Variants in STAT3 observed in about 807,000 individuals in gnomAD.
The protein encoded by STAT3 is DNA-binding protein APRF.
In STAT3, 7 loss-of-function variants were observed where a neutral mutation model predicts 114.3. That is an observed-to-expected ratio of 0.06 (90% CI 0.03 to 0.11). STAT3 has a LOEUF of 0.11. STAT3 is among the 10% of genes least tolerant of loss of function. The probability of loss-of-function intolerance (pLI) is 1.00; values close to 1 mark genes in which losing one functional copy is unlikely to be tolerated. For missense variants in STAT3, 364 were observed against 960.9 expected, an observed-to-expected ratio of 0.38 and a Z score of 8.21; for synonymous variants, 331 against 354.5, an observed-to-expected ratio of 0.93 and a Z score of 0.74.
At chr17:42,375,721 C>T (rs1435591866) in intron 1 of STAT3, among the ~76,000 whole-genome samples, 2 of 151,260 alleles carry the variant, frequency 1.3e-5, no homozygotes, top group Non-Finnish European at 2.9e-5. Flanking sequence ...CCCAGCTACT[C>T]GGGAGGCTTA....
At position 42,345,736 on chromosome 17, in the gene STAT3, A is replaced by G. The variant is rs2082668336; in HGVS notation, c.274-79T>C. 1.0e-5 allele frequency: 13 copies of G among 1,257,052 alleles called. No individual in the cohort carries two copies. In the East Asian group the frequency reaches 3.3e-4, roughly 32 times the overall value. The allele number at this position is 1,257,052 out of a possible 1,614,324, so 77.9% of individuals were successfully genotyped here. Reference sequence around the variant, plus strand: ...GACTGAACTGTGGCACCTTAAAACTAATGTATTCATCAAGGAAAGCATTTA... The same window carrying G: ...GACTGAACTGTGGCACCTTAAAACTGATGTATTCATCAAGGAAAGCATTTA... On this transcript the variant is annotated intron_variant, in intron 3 of 23. Coordinates refer to ENST00000264657, the MANE Select transcript of STAT3 (RefSeq NM_139276.3).
intron 8 of STAT3, among the ~76,000 whole-genome samples, chr17:42,334,723 G>T (rs534121364): frequency 1.3e-5 from 2 of 152,248 alleles, no homozygotes; most frequent in East Asian, 3.9e-4. Flanking sequence ...GGCATTACAG[G>T]TGTGAGCCAC....
intron 4 of STAT3, among the ~76,000 whole-genome samples, chr17:42,341,839 A>G (rs1326149148): frequency 6.6e-6 from 1 of 151,980 alleles, no homozygotes; most frequent in African/African-American, 2.4e-5. Flanking sequence ...GCATAAATAA[A>G]TGAGTGTGGC....
At chr17:42,345,424 A>G (rs1167949898) in intron 4 of STAT3, 135 bp downstream of exon 4, 3 of 752,298 alleles carry the variant, frequency 4.0e-6, no homozygotes, top group African/African-American at 3.6e-5. Context: ...GAGTTTTTCA[A>G]TGTATTTTTA....
At chr17:42,321,201 C>A (rs1270118999) in intron 21 of STAT3, among the ~76,000 whole-genome samples, 2 of 149,266 alleles carry the variant, frequency 1.3e-5, no homozygotes, top group South Asian at 2.1e-4. Context: ...CTCACTGCAG[C>A]CTCAACCTCC....
intron 1 of STAT3, among the ~76,000 whole-genome samples, chr17:42,367,914 G>A (rs756699172): frequency 6.6e-6 from 1 of 152,176 alleles, no homozygotes; most frequent in Non-Finnish European, 1.5e-5. Flanking sequence ...TACCATAGGA[G>A]GTTAATTCAC....
intron 1 of STAT3, among the ~76,000 whole-genome samples, chr17:42,358,952 T>TTTTTTTG (rs71157616): frequency 7.0e-6 from 1 of 142,192 alleles, no homozygotes; most frequent in Non-Finnish European, 1.5e-5. Flanking sequence ...TTTTTTTTTT[T>TTTTTTTG]GAGATGTAGT....
chr17:42,324,700 G>A lies in STAT3; in HGVS notation c.1600+11C>T, dbSNP rs1204881810. On this transcript the variant is annotated intron_variant, in intron 17 of 23. Coordinates refer to ENST00000264657, the MANE Select transcript of STAT3 (RefSeq NM_139276.3). This position sits in a 1 kb window ranked among gnomAD's most constrained non-coding sequence, Gnocchi z 4.5. Reference sequence around the variant, plus strand: ...CGGGTGGGCGGGAGGGAGAAGGGGTGAAATGCGGACCCAAGAGTTTCTCTG... The same window carrying A: ...CGGGTGGGCGGGAGGGAGAAGGGGTAAAATGCGGACCCAAGAGTTTCTCTG... The A allele has an allele frequency of 5.6e-6, 9 of 1,604,868 alleles. No individual in the cohort carries two copies. The highest frequency in any genetic ancestry group is 1.7e-4 in the Middle Eastern group (1 of 5,996).
Position 42,333,732 on chromosome 17 carries a change from G to A in STAT3, c.990C>T (p.Pro330=), listed in dbSNP as rs1278437970. ...TGACGAGGGGCCGGTCAGGATGCAT[G>A]GGCATGCAGGGCTGCCGCTCCACCA... is the stretch of plus-strand genomic sequence containing the variant. ...AFVVERQPCM[P]MHPDRPLVIK... is the part of the protein sequence containing the mutation. The change falls in exon 10 of 24, where the codon CCC becomes CCT. Residue 330 remains proline, a synonymous_variant. Transcript: ENST00000264657. This position sits in a 1 kb window ranked among gnomAD's most constrained non-coding sequence, Gnocchi z 5.2. 1 of 1,614,048 alleles carries A rather than the reference G, an allele frequency of 6.2e-7. No individual in the cohort carries two copies. The highest frequency in any genetic ancestry group is 2.2e-5 in the East Asian group (1 of 44,896).
chr17:42,377,660 C>T (rs556668445), intron 1 of STAT3, among the ~76,000 whole-genome samples: 53 of 152,264 alleles, frequency 3.5e-4, no homozygotes, highest in African/African-American at 1.2e-3. Flanking sequence ...TGTACTGATT[C>T]ATTTCAAAAT....
intron 1 of STAT3, among the ~76,000 whole-genome samples, 156 bp from the exon 2 acceptor site, chr17:42,348,695 A>T (rs1343194253): frequency 1.3e-5 from 2 of 152,064 alleles, no homozygotes; most frequent in Non-Finnish European, 2.9e-5. Context: ...TTTTATTTTT[A>T]AAAAATAGAG....
In STAT3 at chr17:42,348,522, T is replaced by C. The variant is rs749109376; in HGVS notation, c.-6A>G. The C allele has an allele frequency of 1.1e-5, 17 of 1,613,408 alleles. No individual in the cohort carries two copies. The East Asian group carries it at 3.6e-4, about 34-fold the overall frequency. On this transcript the variant is annotated 5_prime_UTR_variant, in exon 2 of 24. Coordinates refer to ENST00000264657, the MANE Select transcript of STAT3 (RefSeq NM_139276.3). The stretch of plus-strand genomic sequence containing the variant: ...AGCTGATTCCATTGGGCCATCCTGC[T>C]AAAATCAGGGGTCCCAACTGTAAAC...
chr17:42,349,891 T>C (rs2082861974), intron 1 of STAT3, among the ~76,000 whole-genome samples: 1 of 152,160 alleles, frequency 6.6e-6, no homozygotes, highest in Non-Finnish European at 1.5e-5. Context: ...ACCCTGTCTC[T>C]ACTAAAAACA....
intron 2 of STAT3, among the ~76,000 whole-genome samples, chr17:42,347,436 A>C (rs1203703952): frequency 1.3e-5 from 2 of 152,200 alleles, no homozygotes; most frequent in African/African-American, 2.4e-5. Flanking sequence ...ATTCTGGAAA[A>C]ACCAGGTCAT....
At chr17:42,371,549 G>A (rs905772214) in intron 1 of STAT3, among the ~76,000 whole-genome samples, 5 of 150,426 alleles carry the variant, frequency 3.3e-5, no homozygotes, top group African/African-American at 4.9e-5. Context: ...AGTGGCGGGC[G>A]CCTATAATCC....
chr17:42,355,094 A>G (rs1311822086), intron 1 of STAT3, among the ~76,000 whole-genome samples: 4 of 152,190 alleles, frequency 2.6e-5, no homozygotes, highest in Non-Finnish European at 5.9e-5. Context: ...GCTTTACTGT[A>G]ACTGTTTTAC....
chr17:42,371,900 T>G (rs2084167795), intron 1 of STAT3, among the ~76,000 whole-genome samples: 1 of 151,864 alleles, frequency 6.6e-6, no homozygotes, highest in Non-Finnish European at 1.5e-5. Context: ...GGAGAATCAC[T>G]TGAAACTGGG....
At chr17:42,364,383 T>C (rs1159235235) in intron 1 of STAT3, among the ~76,000 whole-genome samples, 1 of 152,160 alleles carries the variant, frequency 6.6e-6, no homozygotes, top group Admixed American at 6.6e-5. Flanking sequence ...AGCAAGCACA[T>C]TGTCATGTCA....
intron 8 of STAT3, among the ~76,000 whole-genome samples, chr17:42,336,321 G>T (rs2082226813): frequency 6.6e-6 from 1 of 152,172 alleles, no homozygotes; most frequent in Non-Finnish European, 1.5e-5. Context: ...CCTGGGCTGG[G>T]CACGGCAGCT....
Sources: gnomAD v4.1 joint callset for allele counts (sites outside exome capture counted in the v4.1 genomes callset) on GRCh38, gnomAD v4.1.1 for gene constraint, Gnocchi (gnomAD v3.1) non-coding constraint, MANE v1.5 for transcripts, NCBI Gene and HGNC (gene_info 2026-07-23, HGNC 2026-07-21) for gene names.